PTPRN2: variants seen among roughly 807,000 people sequenced by gnomAD.
The protein encoded by PTPRN2 is receptor-type tyrosine-protein phosphatase N2.
A neutral mutation model predicts 118.8 loss-of-function variants in PTPRN2; 74 were observed. That is an observed-to-expected ratio of 0.62 (90% CI 0.52 to 0.76). The LOEUF is 0.76. Ranked by LOEUF, PTPRN2 falls within the 30% of genes least tolerant of loss-of-function variation. PTPRN2 has a pLI of 0.00. For synonymous variants in PTPRN2, 641 were observed against 608.0 expected (o/e 1.05, Z -0.80); for missense variants, 1,481 against 1,394.4 (o/e 1.06, Z -0.99).
intron 11 of PTPRN2, among the ~76,000 whole-genome samples, chr7:158,074,811 C>A (rs1351773665): frequency 6.6e-6 from 1 of 152,220 alleles, no homozygotes; most frequent in Non-Finnish European, 1.5e-5. Flanking sequence ...GCAGGATCAG[C>A]ATTGCTCGTT....
At chr7:157,851,708 A>G (rs1017715259) in intron 12 of PTPRN2, among the ~76,000 whole-genome samples, 6 of 152,198 alleles carry the variant, frequency 3.9e-5, no homozygotes, top group African/African-American at 1.4e-4. Flanking sequence ...AAAACCCCTG[A>G]GCAATCAGGC....
At chr7:158,031,929 C>T (rs940501146) in intron 11 of PTPRN2, among the ~76,000 whole-genome samples, 2 of 152,208 alleles carry the variant, frequency 1.3e-5, no homozygotes, top group Admixed American at 1.3e-4. Flanking sequence ...CGGGGGCCCG[C>T]GAGCCTCTGA....
chr7:157,742,136 A>G (rs1172768809), intron 12 of PTPRN2, among the ~76,000 whole-genome samples: 2 of 152,180 alleles, frequency 1.3e-5, no homozygotes. Flanking sequence ...GCTTTTTCCA[A>G]TCACCTGTAA....
intron 10 of PTPRN2, among the ~76,000 whole-genome samples, chr7:158,092,223 C>T (rs1814241841): frequency 6.7e-6 from 1 of 149,854 alleles, no homozygotes; most frequent in African/African-American, 2.5e-5. Flanking sequence ...TATATACACA[C>T]ATATATGTAT....
chr7:158,020,472 C>A (rs1450329140), intron 11 of PTPRN2, among the ~76,000 whole-genome samples: 3 of 152,056 alleles, frequency 2.0e-5, no homozygotes, highest in Non-Finnish European at 4.4e-5. Context: ...GAGGGAGGGG[C>A]GAGGGCACAG....
At chr7:157,814,881 G>C (rs1306415268) in intron 12 of PTPRN2, among the ~76,000 whole-genome samples, 1 of 152,208 alleles carries the variant, frequency 6.6e-6, no homozygotes, top group African/African-American at 2.4e-5. Flanking sequence ...CCTCTGCACA[G>C]AAGCGCACGA....
intron 1 of PTPRN2, among the ~76,000 whole-genome samples, chr7:158,556,917 ACGCAGGTCAGGCGGCTCCCG>A (rs1827052162): frequency 1.6e-5 from 2 of 123,972 alleles, no homozygotes; most frequent in East Asian, 5.8e-4. Context: ...GGTCGCTCCC[ACGCAGGTCAGGCGGCTCCCG>A]CGCAGGTCAC....
intron 11 of PTPRN2, among the ~76,000 whole-genome samples, chr7:157,984,804 C>T (rs1323926812): frequency 1.3e-5 from 2 of 152,202 alleles, no homozygotes; most frequent in African/African-American, 2.4e-5. Context: ...GCTCCCTAGT[C>T]ACAGGACGTG....
chr7:157,937,784 A>C (rs919278868), intron 11 of PTPRN2, among the ~76,000 whole-genome samples: 4 of 152,198 alleles, frequency 2.6e-5, no homozygotes, highest in Non-Finnish European at 5.9e-5. Context: ...GACACCACAG[A>C]GTCTGTCTGA....
intron 12 of PTPRN2, among the ~76,000 whole-genome samples, chr7:157,884,056 C>T (rs1273347827): frequency 6.6e-6 from 1 of 151,724 alleles, no homozygotes; most frequent in African/African-American, 2.4e-5. Context: ...GAACATACCA[C>T]CCCAAAATGC....
intron 3 of PTPRN2, among the ~76,000 whole-genome samples, chr7:158,302,536 G>A (rs767709823): frequency 3.3e-5 from 5 of 152,224 alleles, no homozygotes; most frequent in African/African-American, 9.6e-5. Context: ...CCCAGTCACC[G>A]ACTGCATGCA....
At chr7:158,131,092 TAC>T (rs761379308) in intron 9 of PTPRN2, among the ~76,000 whole-genome samples, 17 of 147,738 alleles carry the variant, frequency 1.2e-4, no homozygotes, top group East Asian at 2.0e-4. Context: ...CACACGCACA[TAC>T]ACAGATACAC....
chr7:158,373,984 G>A (rs1293230572), intron 2 of PTPRN2, among the ~76,000 whole-genome samples: 1 of 152,210 alleles, frequency 6.6e-6, no homozygotes, highest in African/African-American at 2.4e-5. Flanking sequence ...TGGGTGCTGG[G>A]CTGGGCCCTG....
At chr7:157,576,296 A>G (rs1800036662) in intron 19 of PTPRN2, among the ~76,000 whole-genome samples, 1 of 152,342 alleles carries the variant, frequency 6.6e-6, no homozygotes, top group East Asian at 1.9e-4. Context: ...AGCTTTATGC[A>G]TCAATATCCT....
chr7:158,246,430 C>T (rs1160057606), intron 3 of PTPRN2, among the ~76,000 whole-genome samples: 2 of 151,052 alleles, frequency 1.3e-5, no homozygotes, highest in Non-Finnish European at 2.9e-5. Context: ...CTCTCACTGC[C>T]CCCAGCTCTA....
intron 7 of PTPRN2, 141 bp downstream of exon 7, chr7:158,138,153 A>T: frequency 1.3e-6 from 1 of 758,756 alleles, no homozygotes; most frequent in Non-Finnish European, 2.1e-6. Context: ...GTTCAAACAG[A>T]TAAAAATCAT....
intron 2 of PTPRN2, among the ~76,000 whole-genome samples, chr7:158,390,846 C>A (rs573755072): frequency 6.6e-6 from 1 of 152,294 alleles, no homozygotes; most frequent in African/African-American, 2.4e-5. Context: ...TGTCATGCCC[C>A]AAAGAGGCTA....
intron 3 of PTPRN2, among the ~76,000 whole-genome samples, chr7:158,207,419 C>T (rs1165299980): frequency 6.6e-6 from 1 of 152,116 alleles, no homozygotes; most frequent in Non-Finnish European, 1.5e-5. Flanking sequence ...GTTTACAAAG[C>T]AATGGCAACA....
intron 11 of PTPRN2, among the ~76,000 whole-genome samples, chr7:157,954,816 A>G (rs1342397740): frequency 6.6e-6 from 1 of 152,124 alleles, no homozygotes; most frequent in Non-Finnish European, 1.5e-5. Flanking sequence ...TATCTTTAGA[A>G]CCAAATCAGG....
Sources: gnomAD v4.1 joint callset for allele counts (sites outside exome capture counted in the v4.1 genomes callset) on GRCh38, gnomAD v4.1.1 for gene constraint, MANE v1.5 for transcripts, NCBI Gene and HGNC (gene_info 2026-07-23, HGNC 2026-07-21) for gene names.